AKT3: variants seen among roughly 807,000 people sequenced by gnomAD.
AKT3 encodes the protein RAC-gamma serine/threonine-protein kinase.
In AKT3, 15 loss-of-function variants were observed where a neutral mutation model predicts 65.3. The ratio of observed to expected loss-of-function variants is 0.23; its 90% CI spans 0.15 to 0.35. The LOEUF is 0.35. Among genes scored for constraint, AKT3 ranks in the 10% least tolerant of loss-of-function variants. AKT3 has a pLI of 1.00. For synonymous variants in AKT3, 206 were observed against 183.8 expected, an observed-to-expected ratio of 1.12 and a Z score of -0.98; for missense variants, 243 against 576.5, an observed-to-expected ratio of 0.42 and a Z score of 5.92.
Position 243,639,655 on chromosome 1 carries a change from G to A in AKT3, c.430-1913C>T, listed in dbSNP as rs561552811. Reference sequence around the variant, plus strand: ...AAGTTACCCTGTATGGTCTGAAAACGGGGGAAACTGTCAGTTCTGGGAATT... The same window carrying A: ...AAGTTACCCTGTATGGTCTGAAAACAGGGGAAACTGTCAGTTCTGGGAATT... On this transcript the variant is annotated intron_variant, in intron 5 of 13. Transcript: ENST00000673466. 7.9e-5 allele frequency among the ~76,000 whole-genome samples: 12 copies of A among 152,214 alleles called. No homozygotes were observed. In the South Asian group the frequency reaches 1.7e-3, roughly 21 times the overall value.
In AKT3 at chr1:243,499,875, C is replaced by G; in HGVS notation, c.*5374G>C. ...TTAATATGCCACAACGCACCACGAC[C>G]TTCCCAGGGTGACACCGCCTCAGCC... On this transcript the variant is annotated 3_prime_UTR_variant, in exon 14 of 14. Transcript: ENST00000673466. 3.1e-6 allele frequency: 4 copies of G among 1,289,330 alleles called. No homozygotes were observed. Among genetic ancestry groups the G allele is most frequent in the Non-Finnish European group, 4.4e-6 (4 of 898,996 alleles). 79.9% of individuals were successfully genotyped at this position (1,289,330 alleles called of 1,614,324 possible). A position where few individuals can be genotyped will look rare whatever the true frequency, so the allele number is the denominator to read the frequency against.
intron 2 of AKT3, among the ~76,000 whole-genome samples, chr1:243,827,396 AC>A (rs2148439441): frequency 6.6e-6 from 1 of 152,272 alleles, no homozygotes; most frequent in African/African-American, 2.4e-5. Context: ...ATGACTTCTT[AC>A]TATAAAGATT....
intron 13 of AKT3, among the ~76,000 whole-genome samples, chr1:243,508,277 C>T (rs992394999): frequency 8.5e-5 from 13 of 152,220 alleles, no homozygotes; most frequent in Admixed American, 5.2e-4. Context: ...TAGAAGAACC[C>T]AGAAGCTGCA....
intron 8 of AKT3, among the ~76,000 whole-genome samples, chr1:243,591,715 T>G (rs1439877363): frequency 1.7e-4 from 25 of 150,076 alleles, no homozygotes; most frequent in Admixed American, 1.7e-3. Flanking sequence ...AAGATGAAGA[T>G]GAAAAAAAAA....
Position 243,499,994 on chromosome 1 carries a change from TG to T in AKT3, c.*5254del, listed in dbSNP as rs3831932. On this transcript the variant is annotated 3_prime_UTR_variant, in exon 14 of 14. Coordinates refer to ENST00000673466, the MANE Select transcript of AKT3 (RefSeq NM_005465.7). ...GACTCTAGCTGAGCAGAGCTCCTGG[TG>T]TATGTTTTCAGAAATGGCTTGAAGT... The T allele has an allele frequency of 1.7e-4, 102 of 602,494 alleles. No homozygotes were observed. In the East Asian group the frequency reaches 2.7e-3, roughly 16 times the overall value. The allele number at this position is 602,494 out of a possible 1,614,324, so 37.3% of individuals were successfully genotyped here. A position where few individuals can be genotyped will look rare whatever the true frequency, so the allele number is the denominator to read the frequency against.
intron 6 of AKT3, among the ~76,000 whole-genome samples, chr1:243,631,759 T>C (rs1679629044): frequency 1.3e-5 from 2 of 152,232 alleles, no homozygotes; most frequent in African/African-American, 4.8e-5. Flanking sequence ...GTTTATGTAA[T>C]TTTCTAAATC....
chr1:243,673,393 T>C (rs1420980898), intron 3 of AKT3, among the ~76,000 whole-genome samples: 1 of 152,092 alleles, frequency 6.6e-6, no homozygotes, highest in Non-Finnish European at 1.5e-5. Flanking sequence ...GAGACCATTA[T>C]TGATGATATT....
intron 6 of AKT3, among the ~76,000 whole-genome samples, chr1:243,636,987 T>C (rs1248377950): frequency 6.6e-6 from 1 of 152,140 alleles, no homozygotes; most frequent in African/African-American, 2.4e-5. Context: ...ATTTATGTCA[T>C]TTGTTGAATT....
In AKT3 at chr1:243,501,051, A is replaced by G. The variant is rs1669249554; in HGVS notation, c.*4198T>C. ...GGATCTGTCAACCCCAGTGGTTTTG[A>G]GAGAAGAGCACATGTGAGAATGCCC... On this transcript the variant is annotated 3_prime_UTR_variant, in exon 14 of 14. Coordinates refer to ENST00000673466, the MANE Select transcript of AKT3 (RefSeq NM_005465.7). 4.3e-6 allele frequency: 1 copy of G among 230,346 alleles called. No individual in the cohort carries two copies. Among genetic ancestry groups the G allele is most frequent in the Non-Finnish European group, 8.6e-6 (1 of 116,394 alleles). 14.3% of individuals were successfully genotyped at this position (230,346 alleles called of 1,614,324 possible). A position where few individuals can be genotyped will look rare whatever the true frequency, so the allele number is the denominator to read the frequency against.
intron 5 of AKT3, among the ~76,000 whole-genome samples, chr1:243,640,440 CAGAATATGATCA>C (rs1680289829): frequency 6.6e-6 from 1 of 152,174 alleles, no homozygotes. Flanking sequence ...GCTTTGAACA[CAGAATATGATCA>C]AACTGATACT....
At chr1:243,697,299 T>A (rs1685116460) in intron 2 of AKT3, among the ~76,000 whole-genome samples, 1 of 152,020 alleles carries the variant, frequency 6.6e-6, no homozygotes, top group African/African-American at 2.4e-5. Flanking sequence ...AGAAGACAGC[T>A]TAATTTTCTT....
intron 8 of AKT3, among the ~76,000 whole-genome samples, chr1:243,593,260 T>A (rs1198969369): frequency 6.6e-6 from 1 of 152,206 alleles, no homozygotes; most frequent in East Asian, 1.9e-4. Context: ...AAATCATAGA[T>A]GTAAAAACTT....
At chr1:243,745,170 T>G (rs1438147210) in intron 2 of AKT3, among the ~76,000 whole-genome samples, 6 of 151,850 alleles carry the variant, frequency 4.0e-5, no homozygotes, top group Non-Finnish European at 7.4e-5. Flanking sequence ...AAGCCCGTCC[T>G]CTACGGAAAA....
intron 2 of AKT3, among the ~76,000 whole-genome samples, chr1:243,728,764 T>G (rs1687367032): frequency 6.6e-6 from 1 of 152,234 alleles, no homozygotes; most frequent in South Asian, 2.1e-4. Flanking sequence ...CAAACTCATT[T>G]GCAGTCTATG....
intron 12 of AKT3, among the ~76,000 whole-genome samples, chr1:243,540,875 T>A (rs966499376): frequency 1.6e-4 from 25 of 152,308 alleles, no homozygotes; most frequent in African/African-American, 6.0e-4. Context: ...GGTTTCCTCA[T>A]GATTATACTG....
At position 243,499,987 on chromosome 1, in the gene AKT3, C is replaced by CT. The variant is rs1669095684; in HGVS notation, c.*5261dup. On this transcript the variant is annotated 3_prime_UTR_variant, in exon 14 of 14. Coordinates refer to ENST00000673466, the MANE Select transcript of AKT3 (RefSeq NM_005465.7). Reference sequence around the variant, plus strand: ...GGAGTCTGACTCTAGCTGAGCAGAGCTCCTGGTGTATGTTTTCAGAAATGG... The same window carrying CT: ...GGAGTCTGACTCTAGCTGAGCAGAGCTTCCTGGTGTATGTTTTCAGAAATGG... The CT allele has an allele frequency of 3.3e-6, 2 of 613,154 alleles. No individual in the cohort carries two copies. Among genetic ancestry groups the CT allele is most frequent in the South Asian group, 3.9e-5 (2 of 50,744 alleles). The allele number at this position is 613,154 out of a possible 1,614,324, so 38.0% of individuals were successfully genotyped here. A position where few individuals can be genotyped will look rare whatever the true frequency, so the allele number is the denominator to read the frequency against.
At chr1:243,778,843 A>G (rs894537256) in intron 2 of AKT3, among the ~76,000 whole-genome samples, 2 of 152,158 alleles carry the variant, frequency 1.3e-5, no homozygotes, top group Non-Finnish European at 2.9e-5. Flanking sequence ...AAATACAACT[A>G]TAACATCTTA....
At chr1:243,536,735 G>A (rs1671964259) in intron 12 of AKT3, among the ~76,000 whole-genome samples, 2 of 152,080 alleles carry the variant, frequency 1.3e-5, no homozygotes, top group South Asian at 4.1e-4. Context: ...TTTGACAGCT[G>A]TTTGTGTTTT....
chr1:243,741,955 T>C (rs1349082812), intron 2 of AKT3: 1 of 151,118 alleles, frequency 6.6e-6, no homozygotes, highest in Non-Finnish European at 1.5e-5. Context: ...TTCAAAAAAA[T>C]ACCTGTAAAC....
Sources: gnomAD v4.1 joint callset for allele counts (sites outside exome capture counted in the v4.1 genomes callset) on GRCh38, gnomAD v4.1.1 for gene constraint, MANE v1.5 for transcripts, NCBI Gene and HGNC (gene_info 2026-07-23, HGNC 2026-07-21) for gene names.